ZNF729: variants seen among roughly 807,000 people sequenced by gnomAD.
The protein encoded by ZNF729 is zinc finger protein 729.
A neutral mutation model predicts 12.2 loss-of-function variants in ZNF729; 15 were observed. The ratio of observed to expected loss-of-function variants is 1.23; its 90% confidence interval spans 0.82 to 1.89. ZNF729 has a LOEUF of 1.89. ZNF729 is among the 40% of genes most tolerant of loss of function. ZNF729 has a pLI of 0.00. For missense variants in ZNF729, 1,540 were observed against 1,456.7 expected (o/e 1.06, Z -0.93); for synonymous variants, 492 against 476.3 (o/e 1.03, Z -0.43).
At chr19:22,301,916 A>T (rs1968311513) in intron 1 of ZNF729, among the ~76,000 whole-genome samples, 1 of 152,310 alleles carries the variant, frequency 6.6e-6, no homozygotes, top group South Asian at 2.1e-4. Context: ...GGGCGGTTCC[A>T]TTTTCTATTT....
chr19:22,316,222 C>T lies in ZNF729; in HGVS notation c.2805C>T (p.Pro935=). 4 of 1,612,982 alleles carry T rather than the reference C, an allele frequency of 2.5e-6. No individual in the cohort carries two copies. Among genetic ancestry groups the T allele is most frequent in the Non-Finnish European group, 2.5e-6 (3 of 1,179,508 alleles). The change falls in exon 4 of 4, where the codon CCC becomes CCT. Residue 935 remains proline (P), a synonymous_variant. Coordinates refer to ENST00000601693, the MANE Select transcript of ZNF729 (RefSeq NM_001242680.2). The stretch of plus-strand genomic sequence containing the variant: ...AGATAATTCATACTGGAAAGAAACC[C>T]TACAAATGTGAAGAATGTGGCAAAG... ...KHKIIHTGKK[P]YKCEECGKAF...
In ZNF729 at chr19:22,316,628, A is replaced by G. The variant is rs1475812888; in HGVS notation, c.3211A>G (p.Thr1071Ala). ...SKLTEHKVIH[T>A]GEKPCKCEEC... ...ACTTACTGAACATAAGGTAATTCAT[A>G]CTGGAGAGAAACCCTGCAAATGTGA... is the stretch of plus-strand genomic sequence containing the variant. Residue 1071 changes from threonine to alanine, a missense_variant, in exon 4 of 4, where the codon ACT (threonine) becomes GCT (alanine). Transcript: ENST00000601693. 11 of 1,612,810 alleles carry G rather than the reference A, an allele frequency of 6.8e-6. No homozygotes were observed. The highest frequency in any genetic ancestry group is 8.5e-6 in the Non-Finnish European group (10 of 1,179,742).
intron 3 of ZNF729, among the ~76,000 whole-genome samples, chr19:22,305,241 T>C (rs1968364085): frequency 6.6e-6 from 1 of 152,156 alleles, no homozygotes; most frequent in Non-Finnish European, 1.5e-5. Context: ...CAGAAACAGA[T>C]ACAGGCACAC....
chr19:22,295,873 TTGAGA>T (rs1461240881), intron 1 of ZNF729, among the ~76,000 whole-genome samples: 2 of 152,224 alleles, frequency 1.3e-5, no homozygotes, highest in African/African-American at 4.8e-5. Context: ...TCTGCATCTA[TTGAGA>T]TAATTTTTTT....
In ZNF729 at chr19:22,316,849, C is replaced by T. The variant is rs777551136; in HGVS notation, c.3432C>T (p.Ser1144=). The stretch of plus-strand genomic sequence containing the variant: ...AATGTGGCAAAGCCTTTAGTCAGTC[C>T]TCAATCCTTACTAAACATAAGATAA... ...CEECGKAFSQ[S]SILTKHKIIH... The change falls in exon 4 of 4, where the codon TCC becomes TCT. Residue 1144 remains serine, a synonymous_variant. Coordinates refer to ENST00000601693, the MANE Select transcript of ZNF729 (RefSeq NM_001242680.2). The T allele has an allele frequency of 9.3e-6, 15 of 1,612,798 alleles. No individual in the cohort carries two copies. The Admixed American group carries it at 1.8e-4, about 20-fold the overall frequency.
chr19:22,287,554 G>T (rs1968096016), intron 1 of ZNF729, among the ~76,000 whole-genome samples: 2 of 151,974 alleles, frequency 1.3e-5, no homozygotes, highest in Admixed American at 1.3e-4. Context: ...GGTGTGAGCC[G>T]CTGCGCTCGG....
At chr19:22,294,289 A>C (rs113524499) in intron 1 of ZNF729, among the ~76,000 whole-genome samples, 3,337 of 152,152 alleles carry the variant, frequency 0.022, 108 homozygotes, top group African/African-American at 0.076. Flanking sequence ...GTGTGGCATT[A>C]TTTCTGGGCT....
Position 22,314,868 on chromosome 19 carries a change from G to A in ZNF729, c.1451G>A (p.Gly484Glu), listed in dbSNP as rs1174511136. Residue 484 changes from glycine (G) to glutamate (E), a missense_variant, in exon 4 of 4, where the codon GGA (glycine) becomes GAA (glutamate). Gly to Glu is a moderately conservative substitution (Grantham distance 98). Coordinates refer to ENST00000601693, the MANE Select transcript of ZNF729 (RefSeq NM_001242680.2). ...HLTRHKAIHT[G>E]EKPYKCEECG... Reference sequence around the variant, plus strand: ...ACTAGACATAAAGCAATTCATACTGGAGAGAAACCCTACAAATGTGAAGAA... The same window carrying A: ...ACTAGACATAAAGCAATTCATACTGAAGAGAAACCCTACAAATGTGAAGAA... 6.2e-7 allele frequency: 1 copy of A among 1,613,334 alleles called. No homozygotes were observed. The highest frequency in any genetic ancestry group is 1.7e-5 in the Admixed American group (1 of 59,976).
chr19:22,286,958 C>T (rs1242269379), intron 1 of ZNF729, among the ~76,000 whole-genome samples: 1 of 152,090 alleles, frequency 6.6e-6, no homozygotes, highest in Non-Finnish European at 1.5e-5. Context: ...AAATTTATGG[C>T]GGTCACCACT....
At chr19:22,304,596 A>G (rs2145051082) in intron 2 of ZNF729, 92 bp from the exon 3 acceptor site, 4 of 1,130,430 alleles carry the variant, frequency 3.5e-6, no homozygotes, top group Non-Finnish European at 5.0e-6. Flanking sequence ...TGGGGGATCA[A>G]TTTACTAGAA....
intron 1 of ZNF729, among the ~76,000 whole-genome samples, chr19:22,288,772 T>C (rs1421605234): frequency 6.6e-6 from 1 of 152,080 alleles, no homozygotes; most frequent in East Asian, 1.9e-4. Flanking sequence ...TTCTGCCCCC[T>C]GCATTCTCTA....
chr19:22,294,523 A>G (rs1968198243), intron 1 of ZNF729, among the ~76,000 whole-genome samples: 1 of 152,080 alleles, frequency 6.6e-6, no homozygotes, highest in African/African-American at 2.4e-5. Context: ...GTAGTTTGAT[A>G]AGAATAGCAT....
At chr19:22,303,437 C>A (rs555531483) in intron 1 of ZNF729, among the ~76,000 whole-genome samples, 1 of 152,146 alleles carries the variant, frequency 6.6e-6, no homozygotes, top group Non-Finnish European at 1.5e-5. Context: ...GAAAAATATA[C>A]AAGACTTATT....
At chr19:22,303,288 C>G (rs747544349) in intron 1 of ZNF729, among the ~76,000 whole-genome samples, 21 of 150,276 alleles carry the variant, frequency 1.4e-4, no homozygotes, top group Non-Finnish European at 4.4e-5. Flanking sequence ...ACAGGCATCA[C>G]TGGTGAGCTT....
chr19:22,291,464 G>A (rs1968152140), intron 1 of ZNF729, among the ~76,000 whole-genome samples: 2 of 152,072 alleles, frequency 1.3e-5, no homozygotes, highest in Non-Finnish European at 2.9e-5. Flanking sequence ...TTTCACTACG[G>A]CATTTTTGAT....
rs938928614 is a variant in ZNF729, at chr19:22,298,023, A to C, written c.31-5735A>C. Among the ~76,000 whole-genome samples, 45 of 150,944 alleles carry C rather than the reference A, an allele frequency of 3.0e-4. 1 individual carries two copies. The highest frequency in any genetic ancestry group is 1.1e-3 in the African/African-American group (45 of 41,198). On this transcript the variant is annotated intron_variant, in intron 1 of 3. Transcript: ENST00000601693. The stretch of plus-strand genomic sequence containing the variant: ...TCCATCTCAAAAAAAAAAAAAAAAA[A>C]AAAACACAAAACATTGAGCACAAAG...
intron 1 of ZNF729, among the ~76,000 whole-genome samples, chr19:22,293,325 A>T (rs1968179790): frequency 6.6e-6 from 1 of 151,672 alleles, no homozygotes; most frequent in East Asian, 1.9e-4. Context: ...GGATGGAATT[A>T]CAGGGACTTG....
chr19:22,296,359 T>A lies in ZNF729; in HGVS notation c.31-7399T>A, dbSNP rs1334505074. ...TCTTTTTTGTTCAGTCTTTGGAGAA[T>A]GTATTTGTCTAGAAATTTATGTATT... On this transcript the variant is annotated intron_variant, in intron 1 of 3. Coordinates refer to ENST00000601693, the MANE Select transcript of ZNF729 (RefSeq NM_001242680.2). Among the ~76,000 whole-genome samples, 8 of 152,326 alleles carry A rather than the reference T, an allele frequency of 5.3e-5. No individual in the cohort carries two copies. In the East Asian group the frequency reaches 1.5e-3, roughly 29 times the overall value.
Position 22,307,633 on chromosome 19 carries a change from C to T in ZNF729, c.253+2850C>T, listed in dbSNP as rs143263721. Among the ~76,000 whole-genome samples, 291 of 150,404 alleles carry T rather than the reference C, an allele frequency of 1.9e-3. 1 individual carries two copies. The highest frequency in any genetic ancestry group is 6.8e-3 in the African/African-American group (279 of 41,054). On this transcript the variant is annotated intron_variant, in intron 3 of 3. Transcript: ENST00000601693. ...TGGTGCATGCCTGTAGTCCCAGGTA[C>T]TCGGGAGGCTGAAGCAGGAGAATCG...
Sources: gnomAD v4.1 joint callset for allele counts (sites outside exome capture counted in the v4.1 genomes callset) on GRCh38, gnomAD v4.1.1 for gene constraint, MANE v1.5 for transcripts, NCBI Gene and HGNC (gene_info 2026-07-23, HGNC 2026-07-21) for gene names.